LIMK2: variants seen among roughly 807,000 people sequenced by gnomAD.
LIMK2 encodes LIM domain kinase 2.
A neutral mutation model predicts 75.7 loss-of-function variants in LIMK2; 35 were observed. The ratio of observed to expected loss-of-function variants is 0.46; its 90% CI spans 0.35 to 0.61. The LOEUF is 0.61. Among genes scored for constraint, LIMK2 ranks in the 20% least tolerant of loss-of-function variants. The pLI, the probability that LIMK2 is intolerant of heterozygous loss-of-function variation, is 0.00. For missense variants in LIMK2, 623 were observed against 831.0 expected, an observed-to-expected ratio of 0.75 and a Z score of 3.08; for synonymous variants, 301 against 319.2, an observed-to-expected ratio of 0.94 and a Z score of 0.61.
intron 2 of LIMK2, among the ~76,000 whole-genome samples, chr22:31,244,112 T>A (rs948360926): frequency 6.6e-6 from 1 of 152,154 alleles, no homozygotes; most frequent in African/African-American, 2.4e-5. Flanking sequence ...AAGTCCTTTG[T>A]AAGAGGAGTA....
chr22:31,259,176 T>G lies in LIMK2; in HGVS notation c.308T>G (p.Val103Gly), dbSNP rs188450615. ...PECFACMSCK[V>G]IIEDGDAYAL... The stretch of plus-strand genomic sequence containing the variant: ...TGCTTTGCCTGTATGAGCTGCAAGG[T>G]GATCATTGAGGATGGGGATGCATAT... Residue 103 changes from valine to glycine, a missense_variant, in exon 4 of 16, where the codon GTG becomes GGG. By Grantham distance (109) the Val-to-Gly change is moderately radical. Around this residue, in one of 3 missense-constraint regions of LIMK2, gnomAD observed 514 missense variants for 661.3 expected, o/e 0.78. Transcript: ENST00000331728. The G allele has an allele frequency of 6.2e-7, 1 of 1,613,836 alleles. No homozygotes were observed. Among genetic ancestry groups the G allele is most frequent in the East Asian group, 2.2e-5 (1 of 44,882 alleles).
At chr22:31,226,025 C>T (rs1439344652) in intron 2 of LIMK2, among the ~76,000 whole-genome samples, 2 of 152,060 alleles carry the variant, frequency 1.3e-5, no homozygotes, top group Non-Finnish European at 2.9e-5. Context: ...CATAAATGGG[C>T]CAGCTGGAGG....
At chr22:31,239,051 A>G (rs2048603279) in intron 2 of LIMK2, among the ~76,000 whole-genome samples, 1 of 152,192 alleles carries the variant, frequency 6.6e-6, no homozygotes, top group South Asian at 2.1e-4. Context: ...ATATAGACAA[A>G]TATCAGCTGT....
intron 3 of LIMK2, 192 bp downstream of exon 3, chr22:31,258,618 A>G (rs2048808602): frequency 1.7e-6 from 1 of 586,454 alleles, no homozygotes; most frequent in South Asian, 2.5e-5. Context: ...TCCCTCAAAG[A>G]CTTAATAGTT....
chr22:31,255,472 G>T (rs551537073), intron 2 of LIMK2, among the ~76,000 whole-genome samples: 9 of 152,168 alleles, frequency 5.9e-5, no homozygotes, highest in Non-Finnish European at 1.0e-4. Context: ...ATCAGTGTTT[G>T]TTGAGCACCC....
Position 31,233,739 on chromosome 22 carries a change from A to T in LIMK2, c.116+7920A>T, listed in dbSNP as rs563311884. Among the ~76,000 whole-genome samples the T allele has an allele frequency of 1.6e-4, 24 of 152,284 alleles. No homozygotes were observed. The South Asian group carries it at 4.8e-3, about 30-fold the overall frequency. On this transcript the variant is annotated intron_variant, in intron 2 of 15. Coordinates refer to ENST00000331728, the MANE Select transcript of LIMK2 (RefSeq NM_005569.4). Reference sequence around the variant, plus strand: ...TGGCTCCTCTTCCACTGAAACATGTATGTCATTGAGAGGCACCACCATCCA... The same window carrying T: ...TGGCTCCTCTTCCACTGAAACATGTTTGTCATTGAGAGGCACCACCATCCA...
intron 9 of LIMK2, 30 bp downstream of exon 9, chr22:31,267,100 GGT>G: frequency 7.6e-7 from 1 of 1,320,860 alleles, no homozygotes; most frequent in Non-Finnish European, 1.1e-6. Context: ...CCGGGAGGTT[GGT>G]GTCACCATTG....
At chr22:31,264,973 C>T (rs1184307655) in intron 7 of LIMK2, among the ~76,000 whole-genome samples, 1 of 152,010 alleles carries the variant, frequency 6.6e-6, no homozygotes, top group African/African-American at 2.4e-5. Context: ...ACAGATGGAT[C>T]GCGAGATCAG....
chr22:31,233,058 C>G (rs974672886), intron 2 of LIMK2, among the ~76,000 whole-genome samples: 2 of 152,204 alleles, frequency 1.3e-5, no homozygotes, highest in African/African-American at 2.4e-5. Flanking sequence ...CTACCGACCA[C>G]TCTTCAGGCT....
chr22:31,218,529 T>G (rs1191045274), intron 1 of LIMK2, among the ~76,000 whole-genome samples: 1 of 152,204 alleles, frequency 6.6e-6, no homozygotes, highest in Admixed American at 6.5e-5. Context: ...AAAAATCATC[T>G]AATCTTTTTT....
rs549349485 is a variant in LIMK2 at position 31,274,281 on chromosome 22, A to G, written c.1614+774A>G. On this transcript the variant is annotated intron_variant, in intron 14 of 15. Coordinates refer to ENST00000331728, the MANE Select transcript of LIMK2 (RefSeq NM_005569.4). ...CTACCTTTAGGAGTTTAGTCAGGTG[A>G]CAGCATATCTCAGCGACTCAAACAC... 3.3e-5 allele frequency among the ~76,000 whole-genome samples: 5 copies of G among 152,268 alleles called. No homozygotes were observed. In the South Asian group the frequency reaches 1.0e-3, roughly 32 times the overall value.
At position 31,257,040 on chromosome 22, in the gene LIMK2, A is replaced by ATTTTTTTTTTT. The variant is rs529919320; in HGVS notation, c.117-1227_117-1217dup. Among the ~76,000 whole-genome samples the ATTTTTTTTTTT allele has an allele frequency of 5.3e-4, 40 of 75,076 alleles. 1 individual carries two copies. Among genetic ancestry groups the ATTTTTTTTTTT allele is most frequent in the Non-Finnish European group, 7.4e-4 (25 of 33,850 alleles). 49.3% of individuals were successfully genotyped at this position (75,076 alleles called of 152,430 possible). A position where few individuals can be genotyped will look rare whatever the true frequency, so the allele number is the denominator to read the frequency against. On this transcript the variant is annotated intron_variant, in intron 2 of 15. Coordinates refer to ENST00000331728, the MANE Select transcript of LIMK2 (RefSeq NM_005569.4). The stretch of plus-strand genomic sequence containing the variant: ...TCATTAGGGGAGAAGGGAGCTATAG[A>ATTTTTTTTTTT]TTTTTTTTTTTTTTTTTTTTTTTTT...
At position 31,267,767 on chromosome 22, in the gene LIMK2, C is replaced by A; in HGVS notation, c.1129-9C>A. ...ACCACCAGCTTTCCTTGGCTTCCCCCACCCCCAGGTGAAAGTGATGCGCAG... is the reference window on the plus strand; with the variant it reads ...ACCACCAGCTTTCCTTGGCTTCCCCAACCCCCAGGTGAAAGTGATGCGCAG... On this transcript the variant is annotated splice_polypyrimidine_tract_variant and intron_variant, in intron 9 of 15. Transcript: ENST00000331728. 2 of 1,581,128 alleles carry A rather than the reference C, an allele frequency of 1.3e-6. No individual in the cohort carries two copies. The highest frequency in any genetic ancestry group is 1.7e-6 in the Non-Finnish European group (2 of 1,167,504).
intron 2 of LIMK2, among the ~76,000 whole-genome samples, chr22:31,246,057 C>T (rs1361618125): frequency 6.6e-6 from 1 of 151,964 alleles, no homozygotes; most frequent in African/African-American, 2.4e-5. Context: ...CCTGTAGTCC[C>T]AGCTACTTGG....
intron 14 of LIMK2, among the ~76,000 whole-genome samples, chr22:31,274,932 G>A (rs151125351): frequency 1.1e-4 from 16 of 152,240 alleles, no homozygotes; most frequent in African/African-American, 3.9e-4. Context: ...CTGCAGTGAA[G>A]CCCCTTCTTA....
chr22:31,254,511 G>C (rs545210587), intron 2 of LIMK2, among the ~76,000 whole-genome samples: 35 of 152,224 alleles, frequency 2.3e-4, no homozygotes, highest in Non-Finnish European at 3.8e-4. Flanking sequence ...TAAGTGGGAT[G>C]CTGTTTTTGT....
At chr22:31,251,137 A>G (rs2048721776) in intron 2 of LIMK2, among the ~76,000 whole-genome samples, 1 of 152,254 alleles carries the variant, frequency 6.6e-6, no homozygotes. Context: ...CTGTGCTTCC[A>G]AGTAAGAAAA....
chr22:31,265,191 CAAAAAA>C (rs35356989), intron 7 of LIMK2, among the ~76,000 whole-genome samples: 501 of 34,502 alleles, frequency 0.015, 4 homozygotes, highest in African/African-American at 0.062. Flanking sequence ...GAGACTCCAT[CAAAAAA>C]AAAAAAAAAA....
chr22:31,243,399 T>C (rs2123803831), intron 2 of LIMK2, among the ~76,000 whole-genome samples: 1 of 152,320 alleles, frequency 6.6e-6, no homozygotes, highest in East Asian at 1.9e-4. Context: ...TCCCAGCCAA[T>C]AGAGGGCTTC....
Sources: allele counts gnomAD v4.1 joint callset (sites outside exome capture counted in the v4.1 genomes callset), GRCh38; gene constraint gnomAD v4.1.1; regional missense constraint gnomAD v4.1.1; transcripts MANE v1.5; gene names NCBI Gene and HGNC (gene_info 2026-07-23, HGNC 2026-07-21).